GPR176: variants seen among roughly 807,000 people sequenced by gnomAD.
GPR176 encodes G protein-coupled receptor 176, also known as G-protein coupled receptor 176.
A neutral mutation model predicts 35.4 loss-of-function variants in GPR176; 26 were observed. That is an observed-to-expected ratio of 0.74 (90% CI 0.54 to 1.02). The LOEUF (loss-of-function observed/expected upper bound fraction) is 1.02. GPR176 is among the 50% of genes least tolerant of loss of function. GPR176 has a pLI of 0.00. For synonymous variants in GPR176, 278 were observed against 271.3 expected, an observed-to-expected ratio of 1.02 and a Z score of -0.24; for missense variants, 597 against 665.3, an observed-to-expected ratio of 0.90 and a Z score of 1.13.
At chr15:39,897,445 C>T (rs1231988400) in intron 1 of GPR176, among the ~76,000 whole-genome samples, 1 of 152,222 alleles carries the variant, frequency 6.6e-6, no homozygotes, top group Admixed American at 6.5e-5. Context: ...CAAACACACA[C>T]ATTAAGGCCA....
chr15:39,889,725 G>A (rs1172221733), intron 1 of GPR176, among the ~76,000 whole-genome samples: 4 of 152,162 alleles, frequency 2.6e-5, no homozygotes, highest in Non-Finnish European at 4.4e-5. Flanking sequence ...TCACTGGGAC[G>A]CAAACTCCTT....
At chr15:39,847,701 C>T (rs1028616132) in intron 1 of GPR176, among the ~76,000 whole-genome samples, 3 of 146,340 alleles carry the variant, frequency 2.1e-5, no homozygotes, top group Non-Finnish European at 4.5e-5. Flanking sequence ...CGAGATCACA[C>T]CACTGCACTC....
At chr15:39,915,000 C>T (rs1454392911) in intron 1 of GPR176, among the ~76,000 whole-genome samples, 1 of 152,178 alleles carries the variant, frequency 6.6e-6, no homozygotes, top group African/African-American at 2.4e-5. Flanking sequence ...TTTAACAAGT[C>T]GATTTCCCAC....
chr15:39,860,449 T>C (rs6492920), intron 1 of GPR176, among the ~76,000 whole-genome samples: 3,961 of 152,210 alleles, frequency 0.026, 149 homozygotes, highest in East Asian at 0.088. Flanking sequence ...TCTAGGGGAG[T>C]TCAATGGCCT....
At chr15:39,874,999 G>C (rs934426697) in intron 1 of GPR176, among the ~76,000 whole-genome samples, 1 of 152,244 alleles carries the variant, frequency 6.6e-6, no homozygotes, top group East Asian at 1.9e-4. Flanking sequence ...CCAAGATCGC[G>C]CCATTGCACT....
intron 1 of GPR176, among the ~76,000 whole-genome samples, chr15:39,832,770 G>C (rs960833992): frequency 6.6e-6 from 1 of 152,026 alleles, no homozygotes; most frequent in East Asian, 1.9e-4. Flanking sequence ...GCAGCTCAGG[G>C]GCCACAGGTT....
chr15:39,825,159 ATCACTGCACTCCAG>A (rs1176672658), intron 1 of GPR176, among the ~76,000 whole-genome samples: 5 of 152,216 alleles, frequency 3.3e-5, no homozygotes, highest in African/African-American at 1.2e-4. Context: ...GTGAGCCACG[ATCACTGCACTCCAG>A]TCTGGGCAAC....
Position 39,866,316 on chromosome 15 carries a change from A to G in GPR176, c.172+53539T>C, listed in dbSNP as rs185707829. On this transcript the variant is annotated intron_variant, in intron 1 of 2. Transcript: ENST00000561100. Reference sequence around the variant, plus strand: ...CGATATACTTCTCCATTTTGAACAAAGTAAATGTTTAACATATTTAATAAA... The same window carrying G: ...CGATATACTTCTCCATTTTGAACAAGGTAAATGTTTAACATATTTAATAAA... 2.4e-4 allele frequency among the ~76,000 whole-genome samples: 36 copies of G among 152,296 alleles called. No individual in the cohort carries two copies. The East Asian group carries it at 6.9e-3, about 29-fold the overall frequency.
chr15:39,807,241 A>G lies in GPR176; in HGVS notation c.190T>C (p.Trp64Arg). Reference protein sequence around the residue: ...GSLLGNFMVLWSTCRTTVFKS... With the variant: ...GSLLGNFMVLRSTCRTTVFKS... Reference sequence around the variant, plus strand: ...AACACGGTTGTGCGGCAAGTTGACCATAACACCATGAAGTTTCCTGGTCAG... The same window carrying G: ...AACACGGTTGTGCGGCAAGTTGACCGTAACACCATGAAGTTTCCTGGTCAG... Residue 64 changes from tryptophan (W) to arginine (R), a missense_variant, in exon 2 of 3, where the codon TGG becomes CGG. By Grantham distance (101) the Trp-to-Arg change is moderately radical. Coordinates refer to ENST00000561100, the MANE Select transcript of GPR176 (RefSeq NM_007223.3). The G allele has an allele frequency of 6.3e-7, 1 of 1,583,754 alleles. No homozygotes were observed. Among genetic ancestry groups the G allele is most frequent in the Non-Finnish European group, 8.6e-7 (1 of 1,166,074 alleles).
chr15:39,850,399 G>A (rs1047565086), intron 1 of GPR176, among the ~76,000 whole-genome samples: 3 of 152,144 alleles, frequency 2.0e-5, no homozygotes, highest in Non-Finnish European at 4.4e-5. Flanking sequence ...TTCTCCCCAG[G>A]ACTGGGAACA....
At chr15:39,863,378 T>G (rs2031691413) in intron 1 of GPR176, among the ~76,000 whole-genome samples, 1 of 151,698 alleles carries the variant, frequency 6.6e-6, no homozygotes, top group Non-Finnish European at 1.5e-5. Context: ...TAATTTTTTC[T>G]ATTTAAAATA....
chr15:39,871,459 T>C (rs895987474), intron 1 of GPR176, among the ~76,000 whole-genome samples: 1 of 152,222 alleles, frequency 6.6e-6, no homozygotes, highest in Admixed American at 6.5e-5. Context: ...AGAGTGGAGA[T>C]GTAGGAGTAT....
At chr15:39,817,555 C>T (rs1248236415) in intron 1 of GPR176, among the ~76,000 whole-genome samples, 1 of 152,184 alleles carries the variant, frequency 6.6e-6, no homozygotes, top group African/African-American at 2.4e-5. Context: ...CCTGGCTACC[C>T]GCACACCTAC....
In GPR176 at chr15:39,801,400, G is replaced by A. The variant is rs1378743948; in HGVS notation, c.1280C>T (p.Thr427Ile). The change falls in exon 3 of 3, where the codon ACA becomes ATA. Residue 427 changes from threonine to isoleucine, a missense_variant. Thr to Ile is a moderately conservative substitution (Grantham distance 89). Transcript: ENST00000561100. ...QFAPSAPPLS[T>I]VDSVSQVAPA... Reference sequence around the variant, plus strand: ...TGCCACCTGGGATACAGAGTCCACTGTGCTCAGGGGTGGGGCAGAGGGCGC... The same window carrying A: ...TGCCACCTGGGATACAGAGTCCACTATGCTCAGGGGTGGGGCAGAGGGCGC... 3.7e-6 allele frequency: 6 copies of A among 1,614,218 alleles called. No homozygotes were observed. Among genetic ancestry groups the A allele is most frequent in the Non-Finnish European group, 5.1e-6 (6 of 1,180,034 alleles).
intron 1 of GPR176, among the ~76,000 whole-genome samples, chr15:39,915,008 C>T (rs1595528478): frequency 6.6e-6 from 1 of 152,140 alleles, no homozygotes; most frequent in African/African-American, 2.4e-5. Flanking sequence ...GTCGATTTCC[C>T]ACCTTTCCCT....
chr15:39,829,110 G>A, intron 1 of GPR176: 1 of 1,311,270 alleles, frequency 7.6e-7, no homozygotes, highest in Non-Finnish European at 1.1e-6. Flanking sequence ...AAGCAGTGGA[G>A]CTGGCATTCA....
At chr15:39,820,853 G>T (rs999852415) in intron 1 of GPR176, among the ~76,000 whole-genome samples, 1 of 152,174 alleles carries the variant, frequency 6.6e-6, no homozygotes, top group African/African-American at 2.4e-5. Flanking sequence ...CAAAACAACA[G>T]GGAGACTTAT....
At chr15:39,877,818 T>C (rs1432989071) in intron 1 of GPR176, among the ~76,000 whole-genome samples, 3 of 152,020 alleles carry the variant, frequency 2.0e-5, no homozygotes, top group Non-Finnish European at 4.4e-5. Context: ...CGCCTTGGCC[T>C]CCCACAACAC....
chr15:39,799,294 T>A lies in GPR176; in HGVS notation c.*1838A>T, dbSNP rs1484362479. The A allele has an allele frequency of 6.6e-6, 1 of 152,234 alleles. No homozygotes were observed. The highest frequency in any genetic ancestry group is 2.4e-5 in the African/African-American group (1 of 41,456). 9.4% of individuals were successfully genotyped at this position (152,234 alleles called of 1,614,324 possible). On this transcript the variant is annotated 3_prime_UTR_variant, in exon 3 of 3. Coordinates refer to ENST00000561100, the MANE Select transcript of GPR176 (RefSeq NM_007223.3). ...TAAAAGTTGTAATGATTGTGAAAGC[T>A]TTGAAAGACAAGCTTGAAGGGCCAC...
Sources: gnomAD v4.1 joint callset for allele counts (sites outside exome capture counted in the v4.1 genomes callset) on GRCh38, gnomAD v4.1.1 for gene constraint, MANE v1.5 for transcripts, NCBI Gene and HGNC (gene_info 2026-07-23, HGNC 2026-07-21) for gene names.